The following SCN11A variants were observed in gnomAD, a reference collection of about 807,000 sequenced individuals.
SCN11A encodes sodium channel protein type 11 subunit alpha.
Under a neutral mutation model 162.2 loss-of-function variants are expected in SCN11A, and 122 were observed. The ratio of observed to expected loss-of-function variants is 0.75; its 90% CI spans 0.65 to 0.87. The LOEUF is 0.87. SCN11A is among the 40% of genes least tolerant of loss of function. The pLI, the probability that SCN11A is intolerant of heterozygous loss-of-function variation, is 0.00. For synonymous variants in SCN11A, 758 were observed against 751.5 expected (o/e 1.01, Z -0.14); for missense variants, 2,015 against 2,181.6 (o/e 0.92, Z 1.52).
chr3:38,984,068 C>T (rs74508550), intron 2 of SCN11A, among the ~76,000 whole-genome samples: 5,380 of 152,312 alleles, frequency 0.035, 308 homozygotes, highest in African/African-American at 0.12. Flanking sequence ...AGTCATCCTT[C>T]TACAGCCTCC....
In SCN11A at chr3:39,010,846, G is replaced by A. The variant is rs145064744; in HGVS notation, c.-280+21534C>T. Among the ~76,000 whole-genome samples, 626 of 152,284 alleles carry A rather than the reference G, an allele frequency of 4.1e-3. 9 individuals are homozygous for A. The highest frequency in any genetic ancestry group is 0.014 in the African/African-American group (594 of 41,538). On this transcript the variant is annotated intron_variant, in intron 2 of 29. Coordinates refer to ENST00000302328, the MANE Select transcript of SCN11A (RefSeq NM_001349253.2). The stretch of plus-strand genomic sequence containing the variant: ...TGTAATACATGTTTCCGAACTGGGG[G>A]GTGGAACATAAGAGAATAACAAGGG...
In SCN11A at chr3:38,978,858, C is replaced by T. The variant is rs534071989; in HGVS notation, c.-279-18435G>A. ...CTTCCACAGCAGCCTTCTTTCTGTC[C>T]TTAGTGCTTGCCATGTCACTGCCAC... On this transcript the variant is annotated intron_variant, in intron 2 of 29. Coordinates refer to ENST00000302328, the MANE Select transcript of SCN11A (RefSeq NM_001349253.2). Among the ~76,000 whole-genome samples, 4 of 152,284 alleles carry T rather than the reference C, an allele frequency of 2.6e-5. No homozygotes were observed. In the South Asian group the frequency reaches 8.3e-4, roughly 32 times the overall value.
intron 16 of SCN11A, 143 bp from the exon 17 acceptor site, chr3:38,900,216 A>G: frequency 1.5e-6 from 1 of 662,842 alleles, no homozygotes; most frequent in Non-Finnish European, 2.6e-6. Context: ...CATGCAATAG[A>G]AATATTTACT....
At chr3:38,882,319 C>T (rs902728840) in intron 22 of SCN11A, among the ~76,000 whole-genome samples, 1 of 152,182 alleles carries the variant, frequency 6.6e-6, no homozygotes, top group Non-Finnish European at 1.5e-5. Context: ...TCTTTTTCCA[C>T]TTGCTAGTGA....
In SCN11A at chr3:38,960,416, C is replaced by T. The variant is rs1162389327; in HGVS notation, c.-272G>A. On this transcript the variant is annotated 5_prime_UTR_variant, in exon 3 of 30. Transcript: ENST00000302328. ...CCTGGAGCCCTTCTGGGAGGAGCGGCTTGGAGGCTGGGTGGAGAGTGTGGA... is the reference window on the plus strand; with the variant it reads ...CCTGGAGCCCTTCTGGGAGGAGCGGTTTGGAGGCTGGGTGGAGAGTGTGGA... Among the ~76,000 whole-genome samples the T allele has an allele frequency of 6.6e-6, 1 of 152,144 alleles. No homozygotes were observed. The highest frequency in any genetic ancestry group is 1.5e-5 in the Non-Finnish European group (1 of 68,028).
chr3:38,941,108 C>G (rs990665919), intron 7 of SCN11A, among the ~76,000 whole-genome samples: 3 of 152,170 alleles, frequency 2.0e-5, no homozygotes, highest in Non-Finnish European at 4.4e-5. Context: ...CACCCCAACA[C>G]TGGCAAATGG....
chr3:38,948,603 T>G (rs976999270), intron 5 of SCN11A, among the ~76,000 whole-genome samples: 1 of 152,206 alleles, frequency 6.6e-6, no homozygotes, highest in Non-Finnish European at 1.5e-5. Flanking sequence ...ATCTGTAAGG[T>G]AGAGTGCTAA....
intron 1 of SCN11A, among the ~76,000 whole-genome samples, chr3:39,044,073 T>C (rs2032126100): frequency 1.3e-5 from 2 of 152,134 alleles, no homozygotes; most frequent in African/African-American, 2.4e-5. Flanking sequence ...GTTTTTTACT[T>C]TAAGTCAAAG....
intron 7 of SCN11A, among the ~76,000 whole-genome samples, chr3:38,928,093 G>A (rs1344704735): frequency 1.3e-5 from 2 of 152,106 alleles, no homozygotes; most frequent in African/African-American, 2.4e-5. Context: ...AGGGAAAACT[G>A]AATCTCCACT....
Position 38,867,381 on chromosome 3 carries a change from G to A in SCN11A, c.3891C>T (p.Phe1297=). The change falls in exon 27 of 30, where the codon TTC becomes TTT. Residue 1297 remains phenylalanine (F), a synonymous_variant. Transcript: ENST00000302328. ...CGCCAATGAAGAGATTCAGAGTGAA[G>A]AATGAGCCAAAGATGATAAAGACTA... ...YFVVFIIFGS[F]FTLNLFIGVI... is the part of the protein sequence containing the mutation. The A allele has an allele frequency of 6.2e-7, 1 of 1,612,990 alleles. No homozygotes were observed. The highest frequency in any genetic ancestry group is 1.3e-5 in the African/African-American group (1 of 75,014).
chr3:38,934,099 C>A (rs2066289388), intron 7 of SCN11A, among the ~76,000 whole-genome samples: 1 of 152,170 alleles, frequency 6.6e-6, no homozygotes, highest in Admixed American at 6.5e-5. Context: ...AATTTTCAAC[C>A]CAGAATTTCA....
intron 23 of SCN11A, among the ~76,000 whole-genome samples, chr3:38,873,614 T>C (rs1324234074): frequency 6.6e-6 from 1 of 152,170 alleles, no homozygotes; most frequent in Non-Finnish European, 1.5e-5. Context: ...TTCTTCTGTT[T>C]TACCAAATCA....
At chr3:38,862,614 C>G (rs894890257) in intron 28 of SCN11A, among the ~76,000 whole-genome samples, 5 of 152,050 alleles carry the variant, frequency 3.3e-5, no homozygotes, top group Non-Finnish European at 7.4e-5. Context: ...AGTTGGAGAC[C>G]ATTATTCTAA....
chr3:38,853,666 C>T (rs1398661831), intron 28 of SCN11A, among the ~76,000 whole-genome samples: 1 of 152,132 alleles, frequency 6.6e-6, no homozygotes, highest in Non-Finnish European at 1.5e-5. Context: ...CCGAGAATAG[C>T]AGTAAGTAGA....
At chr3:39,031,019 T>A (rs1329850757) in intron 2 of SCN11A, among the ~76,000 whole-genome samples, 3 of 152,162 alleles carry the variant, frequency 2.0e-5, no homozygotes, top group African/African-American at 7.2e-5. Context: ...GAAAGCTAGA[T>A]GGAGGTCAAA....
chr3:39,015,934 A>C (rs956320624), intron 2 of SCN11A, among the ~76,000 whole-genome samples: 1 of 152,042 alleles, frequency 6.6e-6, no homozygotes, highest in Non-Finnish European at 1.5e-5. Context: ...ACATGGTTTC[A>C]CCATTTTGGC....
intron 2 of SCN11A, among the ~76,000 whole-genome samples, chr3:38,975,367 T>C (rs2066844053): frequency 6.6e-6 from 1 of 152,144 alleles, no homozygotes; most frequent in South Asian, 2.1e-4. Context: ...ACATTAACAA[T>C]AGTAATAATG....
Position 38,863,180 on chromosome 3 carries a change from T to C in SCN11A, c.4056+15A>G. ...CAACTGTTCTACATATTTACAGTCA[T>C]TCAATTGCTCTCACCAGAGGCCGTG... On this transcript the variant is annotated intron_variant, in intron 28 of 29. Coordinates refer to ENST00000302328, the MANE Select transcript of SCN11A (RefSeq NM_001349253.2). 1 of 1,400,638 alleles carries C rather than the reference T, an allele frequency of 7.1e-7. No individual in the cohort carries two copies. The highest frequency in any genetic ancestry group is 1.0e-6 in the Non-Finnish European group (1 of 986,390). 86.8% of individuals were successfully genotyped at this position (1,400,638 alleles called of 1,614,324 possible).
rs375705167 is a variant in SCN11A, at chr3:38,877,020, TGTATATATATG to T, written c.3393+2919_3393+2929del. On this transcript the variant is annotated intron_variant, in intron 23 of 29. Transcript: ENST00000302328. ...TATAGAGAGAGAAAGAGACATATGG[TGTATATATATG>T]GTATATATATGGTGTATATACTATA... Among the ~76,000 whole-genome samples the T allele has an allele frequency of 9.4e-3, 1,309 of 139,970 alleles. 65 individuals are homozygous for T. Among genetic ancestry groups the T allele is most frequent in the African/African-American group, 0.035 (1,203 of 34,060 alleles). The allele number at this position is 139,970 out of a possible 152,430, so 91.8% of individuals were successfully genotyped here.
Sources: allele counts gnomAD v4.1 joint callset (sites outside exome capture counted in the v4.1 genomes callset), GRCh38; gene constraint gnomAD v4.1.1; transcripts MANE v1.5; gene names NCBI Gene and HGNC (gene_info 2026-07-23, HGNC 2026-07-21).